The following AQR variants were observed in gnomAD, a reference collection of about 807,000 sequenced individuals.
AQR encodes the protein aquarius intron-binding spliceosomal factor.
A neutral mutation model predicts 180.5 loss-of-function variants in AQR; 61 were observed. That is an observed-to-expected ratio of 0.34 (90% CI 0.28 to 0.42). The LOEUF (loss-of-function observed/expected upper bound fraction) is 0.42. Ranked by LOEUF, AQR falls within the 10% of genes least tolerant of loss-of-function variation. The probability of loss-of-function intolerance (pLI) is 1.00; values close to 1 mark genes in which losing one functional copy is unlikely to be tolerated. For missense variants in AQR, 1,281 were observed against 1,798.3 expected, an observed-to-expected ratio of 0.71 and a Z score of 5.20; for synonymous variants, 551 against 588.8, an observed-to-expected ratio of 0.94 and a Z score of 0.93.
chr15:34,926,389 T>C (rs1052511464), intron 13 of AQR, among the ~76,000 whole-genome samples: 35 of 152,164 alleles, frequency 2.3e-4, no homozygotes, highest in Non-Finnish European at 3.7e-4. Context: ...TACAGTATAG[T>C]AGTTAAAAGT....
At chr15:34,861,661 C>T (rs10519964) in intron 33 of AQR, among the ~76,000 whole-genome samples, 3 of 151,864 alleles carry the variant, frequency 2.0e-5, no homozygotes, top group Admixed American at 1.3e-4. Flanking sequence ...GTTTACTAGC[C>T]CACAAAAGAT....
At chr15:34,944,150 G>T in intron 6 of AQR, 138 bp downstream of exon 6, 2 of 750,226 alleles carry the variant, frequency 2.7e-6, no homozygotes, top group Non-Finnish European at 4.0e-6. Context: ...ATAAGTGGCT[G>T]AAATCAAGCT....
At chr15:34,954,914 GGGGTTCGAGACCAGCATGGACAACACGGT>G (rs1288325706) in intron 3 of AQR, among the ~76,000 whole-genome samples, 1 of 152,120 alleles carries the variant, frequency 6.6e-6, no homozygotes, top group East Asian at 1.9e-4. Flanking sequence ...CCTGAGCTCA[GGGGTTCGAGACCAGCATGGACAACACGGT>G]GGAATCCCGT....
chr15:34,884,619 G>A lies in AQR; in HGVS notation c.2933C>T (p.Pro978Leu). 2 of 1,609,954 alleles carry A rather than the reference G, an allele frequency of 1.2e-6. No individual in the cohort carries two copies. Among genetic ancestry groups the A allele is most frequent in the Non-Finnish European group, 1.7e-6 (2 of 1,178,948 alleles). ...AGATCTTCCTTTAAAAATGGGTTGA[G>A]GAGCATTTGCAAAGTATTCATGGAA... ...FPFHEYFANA[P>L]QPIFKGRSYE... The change falls in exon 26 of 35, where the codon CCT (proline) becomes CTT (leucine). Residue 978 changes from proline (P) to leucine (L), a missense_variant. Around this residue, in one of 9 missense-constraint regions of AQR, gnomAD observed 125 missense variants for 185.0 expected, o/e 0.68. Transcript: ENST00000156471.
chr15:34,897,839 T>G (rs761835481), intron 20 of AQR, 134 bp from the exon 21 acceptor site: 295 of 957,316 alleles, frequency 3.1e-4, no homozygotes, highest in Non-Finnish European at 4.1e-4. Flanking sequence ...GATATCTGTA[T>G]GTAAACTCTG....
chr15:34,857,010 G>T lies in AQR; in HGVS notation c.4240C>A (p.Gln1414Lys). The T allele has an allele frequency of 6.2e-7, 1 of 1,614,006 alleles. No homozygotes were observed. The highest frequency in any genetic ancestry group is 8.5e-7 in the Non-Finnish European group (1 of 1,179,998). Residue 1414 changes from glutamine (Q) to lysine (K), a missense_variant, in exon 35 of 35, where the codon CAA becomes AAA. Transcript: ENST00000156471. Reference sequence around the variant, plus strand: ...GTTGGACTGGGTATGATGTCAGCTTGAACAGTCATGGCCTCTTCTTCTGTT... The same window carrying T: ...GTTGGACTGGGTATGATGTCAGCTTTAACAGTCATGGCCTCTTCTTCTGTT... ...LETEEEAMTV[Q>K]ADIIPSPTDT...
intron 30 of AQR, 42 bp from the exon 31 acceptor site, chr15:34,870,964 T>C: frequency 6.4e-7 from 1 of 1,574,622 alleles, no homozygotes; most frequent in Non-Finnish European, 8.7e-7. Context: ...CATTTGCTTT[T>C]GTTTCAATTT....
intron 4 of AQR, among the ~76,000 whole-genome samples, chr15:34,948,690 C>G (rs145688489): frequency 0.042 from 6,315 of 151,748 alleles, 469 homozygotes; most frequent in African/African-American, 0.14. Flanking sequence ...ATCCCAGCTA[C>G]TCAGGGGGCT....
At chr15:34,890,925 C>A (rs1893136001) in intron 23 of AQR, among the ~76,000 whole-genome samples, 1 of 152,132 alleles carries the variant, frequency 6.6e-6, no homozygotes, top group Non-Finnish European at 1.5e-5. Context: ...TCCTAGTATT[C>A]ATTATCTGAA....
intron 15 of AQR, 143 bp downstream of exon 15, chr15:34,918,115 G>A (rs1893625086): frequency 6.3e-6 from 5 of 796,262 alleles, no homozygotes; most frequent in Non-Finnish European, 9.3e-6. Context: ...ATCTTTTCTA[G>A]CTTCTAAAGT....
intron 22 of AQR, among the ~76,000 whole-genome samples, chr15:34,896,341 G>A (rs7179876): frequency 0.021 from 3,155 of 152,200 alleles, 122 homozygotes; most frequent in African/African-American, 0.072. Flanking sequence ...GTACAATCAT[G>A]TCAATTAAAA....
intron 3 of AQR, among the ~76,000 whole-genome samples, chr15:34,957,725 A>T (rs865774050): frequency 1.8e-4 from 19 of 104,648 alleles, no homozygotes; most frequent in South Asian, 1.3e-3. Context: ...AAAAACATAA[A>T]AATAATAATA....
intron 13 of AQR, among the ~76,000 whole-genome samples, chr15:34,924,919 T>TAAAAAAAAAAA (rs34745223): frequency 2.2e-5 from 3 of 134,012 alleles, no homozygotes; most frequent in Non-Finnish European, 1.6e-5. Context: ...AAGCTAAATG[T>TAAAAAAAAAAA]AAAAAAAAAA....
rs1892572573 is a variant in AQR, at chr15:34,855,204, G to A, written c.*1588C>T. Reference sequence around the variant, plus strand: ...AGGATACATCATAAAATGAGAGTCTGTACCATATTCAACACAGCCTGGTAG... The same window carrying A: ...AGGATACATCATAAAATGAGAGTCTATACCATATTCAACACAGCCTGGTAG... On this transcript the variant is annotated 3_prime_UTR_variant, in exon 35 of 35. Transcript: ENST00000156471. 1 of 152,172 alleles carries A rather than the reference G, an allele frequency of 6.6e-6. No homozygotes were observed. Among genetic ancestry groups the A allele is most frequent in the Non-Finnish European group, 1.5e-5 (1 of 68,028 alleles). The allele number at this position is 152,172 out of a possible 1,614,324, so 9.4% of individuals were successfully genotyped here.
At chr15:34,933,613 G>T (rs117218527) in intron 10 of AQR, among the ~76,000 whole-genome samples, 4,055 of 151,946 alleles carry the variant, frequency 0.027, 108 homozygotes, top group Middle Eastern at 0.048. Context: ...CTGTATGAGG[G>T]GTATTAAAGT....
intron 13 of AQR, among the ~76,000 whole-genome samples, chr15:34,922,357 T>G (rs4924357): frequency 0.61 from 92,664 of 152,024 alleles, 30,603 homozygotes; most frequent in South Asian, 0.75. Context: ...TGTGTGAACA[T>G]AAGTTTTCAC....
intron 9 of AQR, 42 bp from the exon 10 acceptor site, chr15:34,934,677 G>T: frequency 7.2e-7 from 1 of 1,382,976 alleles, no homozygotes; most frequent in Non-Finnish European, 9.8e-7. Context: ...TCCTTACTAG[G>T]CCATTTTGCA....
intron 27 of AQR, 52 bp downstream of exon 27, chr15:34,882,450 A>C: frequency 7.3e-7 from 1 of 1,362,832 alleles, no homozygotes; most frequent in Non-Finnish European, 9.5e-7. Flanking sequence ...GAAGTGAGCC[A>C]ATCTCTGATA....
chr15:34,858,727 T>C (rs1273769688), intron 34 of AQR, among the ~76,000 whole-genome samples: 1 of 152,172 alleles, frequency 6.6e-6, no homozygotes, highest in African/African-American at 2.4e-5. Context: ...AGTACAGTCA[T>C]GGCAAAGGGA....
Sources: allele counts gnomAD v4.1 joint callset (sites outside exome capture counted in the v4.1 genomes callset), GRCh38; gene constraint gnomAD v4.1.1; regional missense constraint gnomAD v4.1.1; transcripts MANE v1.5; gene names NCBI Gene and HGNC (gene_info 2026-07-23, HGNC 2026-07-21).